MDGA2: variants seen among roughly 807,000 people sequenced by gnomAD.
MDGA2 encodes MAM domain-containing glycosylphosphatidylinositol anchor protein 2.
A neutral mutation model predicts 117.8 loss-of-function variants in MDGA2; 40 were observed. That is an observed-to-expected ratio of 0.34 (90% confidence interval 0.26 to 0.44). The LOEUF is 0.44. MDGA2 is among the 20% of genes least tolerant of loss of function. MDGA2 has a pLI of 1.00. For synonymous variants in MDGA2, 452 were observed against 439.0 expected, an observed-to-expected ratio of 1.03 and a Z score of -0.37; for missense variants, 1,123 against 1,250.6, an observed-to-expected ratio of 0.90 and a Z score of 1.54.
At chr14:46,907,587 T>A (rs562856621) in intron 10 of MDGA2, among the ~76,000 whole-genome samples, 19 of 152,314 alleles carry the variant, frequency 1.2e-4, no homozygotes, top group South Asian at 1.0e-3. Flanking sequence ...TATAATTTGC[T>A]TAGGCTTTTA....
intron 1 of MDGA2, among the ~76,000 whole-genome samples, chr14:47,440,611 C>A (rs996206829): frequency 6.6e-6 from 1 of 151,916 alleles, no homozygotes; most frequent in Non-Finnish European, 1.5e-5. Context: ...CTGGTAGATA[C>A]CATAAAGTAA....
intron 4 of MDGA2, among the ~76,000 whole-genome samples, chr14:47,142,507 T>C (rs1222284585): frequency 6.6e-6 from 1 of 152,064 alleles, no homozygotes; most frequent in African/African-American, 2.4e-5. Flanking sequence ...AGAAAAGATG[T>C]TTAGAATTTC....
At chr14:47,034,795 T>A (rs970943410) in intron 8 of MDGA2, among the ~76,000 whole-genome samples, 7 of 151,844 alleles carry the variant, frequency 4.6e-5, no homozygotes, top group Admixed American at 2.0e-4. Flanking sequence ...TATTAGTGTG[T>A]ATAAGCTCAT....
chr14:46,910,610 T>C (rs1171945399), intron 10 of MDGA2, among the ~76,000 whole-genome samples: 1 of 151,956 alleles, frequency 6.6e-6, no homozygotes, highest in Non-Finnish European at 1.5e-5. Context: ...TAATTCAACA[T>C]AACAATGGGA....
At position 47,223,431 on chromosome 14, in the gene MDGA2, T is replaced by C. The variant is rs145974485; in HGVS notation, c.421-5236A>G. Among the ~76,000 whole-genome samples the C allele has an allele frequency of 2.1e-3, 322 of 152,320 alleles. 4 individuals carry two copies. The highest frequency in any genetic ancestry group is 7.4e-3 in the African/African-American group (307 of 41,572). On this transcript the variant is annotated intron_variant, in intron 2 of 16. Transcript: ENST00000399232. ...TGTTGGTTTGGGCTGTATCGTAAAC[T>C]ACTGCTTAAGATTGTTTAGGAGAGA...
intron 1 of MDGA2, among the ~76,000 whole-genome samples, chr14:47,421,520 C>T (rs1345498901): frequency 6.6e-6 from 1 of 152,040 alleles, no homozygotes; most frequent in Non-Finnish European, 1.5e-5. Flanking sequence ...AAAGCAAAAT[C>T]GTGCTGCAAA....
intron 14 of MDGA2, among the ~76,000 whole-genome samples, chr14:46,864,545 G>GTTTTTTTTTTTTTTTTTTTTTTTTTTT (rs71112467): frequency 1.9e-5 from 1 of 51,472 alleles, no homozygotes; most frequent in Non-Finnish European, 3.9e-5. Context: ...AGATATTGCT[G>GTTTTTTTTTTTTTTTTTTTTTTTTTTT]TTTTTTTTTT....
At chr14:47,039,920 C>A (rs1170880662) in intron 7 of MDGA2, among the ~76,000 whole-genome samples, 1 of 152,044 alleles carries the variant, frequency 6.6e-6, no homozygotes, top group African/African-American at 2.4e-5. Context: ...CTCTCACACA[C>A]ACACACACAA....
At chr14:47,503,650 C>T (rs1330073821) in intron 1 of MDGA2, among the ~76,000 whole-genome samples, 3 of 152,098 alleles carry the variant, frequency 2.0e-5, no homozygotes, top group South Asian at 2.1e-4. Context: ...GTGATCTGCC[C>T]GCCTCGGCCT....
chr14:47,596,512 T>C (rs1896545783), intron 1 of MDGA2, among the ~76,000 whole-genome samples: 1 of 152,186 alleles, frequency 6.6e-6, no homozygotes, highest in Non-Finnish European at 1.5e-5. Flanking sequence ...TTTTTGACCA[T>C]TATCCAGCTT....
intron 1 of MDGA2, among the ~76,000 whole-genome samples, chr14:47,357,391 T>C (rs1432902317): frequency 6.6e-6 from 1 of 152,178 alleles, no homozygotes; most frequent in Non-Finnish European, 1.5e-5. Flanking sequence ...CTCTCGAAAA[T>C]GTGCATATTT....
intron 10 of MDGA2, among the ~76,000 whole-genome samples, chr14:46,886,712 G>A (rs1882690591): frequency 6.6e-6 from 1 of 151,722 alleles, no homozygotes; most frequent in Non-Finnish European, 1.5e-5. Context: ...GAGAATAAGA[G>A]AGAGAAGGAA....
intron 7 of MDGA2, among the ~76,000 whole-genome samples, chr14:47,057,521 G>A (rs1483820378): frequency 6.6e-6 from 1 of 151,820 alleles, no homozygotes; most frequent in African/African-American, 2.4e-5. Flanking sequence ...AAAGATGAAA[G>A]TAAGACAACC....
chr14:47,107,533 T>C (rs544378692), intron 5 of MDGA2, among the ~76,000 whole-genome samples: 34 of 152,158 alleles, frequency 2.2e-4, no homozygotes, highest in African/African-American at 8.0e-4. Context: ...GCAAATTACC[T>C]AGGCTGTACT....
intron 3 of MDGA2, among the ~76,000 whole-genome samples, chr14:47,145,443 T>C (rs191495549): frequency 6.8e-4 from 103 of 152,330 alleles, no homozygotes; most frequent in Non-Finnish European, 1.1e-3. Context: ...ACCCCTGATA[T>C]GGCATATTCC....
chr14:47,011,007 T>C (rs1374203980), intron 8 of MDGA2, among the ~76,000 whole-genome samples: 1 of 152,070 alleles, frequency 6.6e-6, no homozygotes, highest in African/African-American at 2.4e-5. Flanking sequence ...TACTTCACAT[T>C]ATGTTTATGT....
intron 1 of MDGA2, among the ~76,000 whole-genome samples, chr14:47,649,165 C>A (rs2138265025): frequency 6.6e-6 from 1 of 152,122 alleles, no homozygotes; most frequent in Non-Finnish European, 1.5e-5. Flanking sequence ...TGCCAAAAAA[C>A]CTATTGGGTA....
At chr14:47,304,245 C>A (rs1594784297) in intron 1 of MDGA2, among the ~76,000 whole-genome samples, 1 of 152,300 alleles carries the variant, frequency 6.6e-6, no homozygotes, top group East Asian at 1.9e-4. Flanking sequence ...GGTCAGCACT[C>A]TTATTTCCCG....
chr14:47,022,863 A>C (rs1594537068), intron 8 of MDGA2, among the ~76,000 whole-genome samples: 1 of 152,216 alleles, frequency 6.6e-6, no homozygotes, highest in African/African-American at 2.4e-5. Context: ...GCTATTTGCC[A>C]GTTTAGGATA....
Sources: gnomAD v4.1 joint callset for allele counts (sites outside exome capture counted in the v4.1 genomes callset) on GRCh38, gnomAD v4.1.1 for gene constraint, MANE v1.5 for transcripts, NCBI Gene and HGNC (gene_info 2026-07-23, HGNC 2026-07-21) for gene names.